ARHGEF26: variants seen among roughly 807,000 people sequenced by gnomAD.
The protein encoded by ARHGEF26 is Rho guanine nucleotide exchange factor (GEF) 26.
ARHGEF26 carries 59 observed loss-of-function variants against 89.4 expected under a neutral mutation model. The ratio of observed to expected loss-of-function variants is 0.66; its 90% CI spans 0.54 to 0.82. The LOEUF (loss-of-function observed/expected upper bound fraction) is 0.82, where lower values mean the gene tolerates loss of function less well. Ranked by LOEUF, ARHGEF26 falls within the 40% of genes least tolerant of loss-of-function variation. The pLI is 0.00. For missense variants in ARHGEF26, 1,234 were observed against 1,085.6 expected, an observed-to-expected ratio of 1.14 and a Z score of -1.92; for synonymous variants, 500 against 428.4, an observed-to-expected ratio of 1.17 and a Z score of -2.06.
chr3:154,235,204 T>C (rs1717047896), intron 11 of ARHGEF26, among the ~76,000 whole-genome samples: 1 of 152,206 alleles, frequency 6.6e-6, no homozygotes, highest in Non-Finnish European at 1.5e-5. Flanking sequence ...AAATTATGTA[T>C]TAATTTAGGA....
intron 4 of ARHGEF26, among the ~76,000 whole-genome samples, chr3:154,132,366 C>T (rs1277419146): frequency 6.6e-6 from 1 of 151,852 alleles, no homozygotes; most frequent in African/African-American, 2.4e-5. Context: ...TTCTTTTCTC[C>T]TTCCTACCTC....
At chr3:154,129,973 T>C (rs979325599) in intron 4 of ARHGEF26, among the ~76,000 whole-genome samples, 9 of 152,192 alleles carry the variant, frequency 5.9e-5, no homozygotes, top group Admixed American at 1.3e-4. Context: ...CTGGAAACTC[T>C]TTCTGCGAGA....
intron 7 of ARHGEF26, among the ~76,000 whole-genome samples, chr3:154,189,015 C>G (rs867043458): frequency 6.6e-6 from 1 of 152,120 alleles, no homozygotes; most frequent in African/African-American, 2.4e-5. Flanking sequence ...TCTCCCCAGA[C>G]ATTGCAGAAG....
At chr3:154,146,549 G>C (rs1576701452) in intron 4 of ARHGEF26, among the ~76,000 whole-genome samples, 1 of 152,066 alleles carries the variant, frequency 6.6e-6, no homozygotes. Flanking sequence ...TTCTTTATTA[G>C]GTTTAGCCAA....
chr3:154,122,101 C>A lies in ARHGEF26; in HGVS notation c.109C>A (p.Pro37Thr). 6.2e-7 allele frequency: 1 copy of A among 1,610,900 alleles called. No homozygotes were observed. The change falls in exon 2 of 15, where the codon CCC becomes ACC. Residue 37 changes from proline (P) to threonine (T), a missense_variant. Pro to Thr is a conservative substitution (Grantham distance 38). Transcript: ENST00000465093. ...GGTTCTGGGCCGGAGCAAGCCGAGG[C>A]CCCAGTCCTACCAGAGCCCCAACGG... The part of the protein sequence containing the change: ...HQVLGRSKPR[P>T]QSYQSPNGLL...
rs1332755393 is a variant in ARHGEF26, at chr3:154,152,890, A to G, written c.1445A>G (p.His482Arg). 5.0e-6 allele frequency: 8 copies of G among 1,599,902 alleles called. No individual in the cohort carries two copies. The East Asian group carries it at 1.1e-4, about 22-fold the overall frequency. The change falls in exon 6 of 15, where the codon CAT (histidine) becomes CGT (arginine). Residue 482 changes from histidine (H) to arginine (R), a missense_variant. Transcript: ENST00000465093. ...SDTMTKTERH[H>R]LFSNITDVCE... ...ACAATGACTAAAACCGAGAGGCACC[A>G]TCTTTTCTCCAATATTACAGATGTC...
intron 5 of ARHGEF26, 72 bp downstream of exon 5, chr3:154,149,517 A>C: frequency 7.5e-7 from 1 of 1,328,582 alleles, no homozygotes; most frequent in Non-Finnish European, 1.0e-6. Flanking sequence ...TTGTGTTTTC[A>C]CTTACTGTGT....
intron 11 of ARHGEF26, among the ~76,000 whole-genome samples, chr3:154,238,073 T>C (rs763211863): frequency 1.9e-4 from 29 of 152,336 alleles, no homozygotes; most frequent in Middle Eastern, 3.4e-3. Flanking sequence ...ATGTCTGATA[T>C]AGTATCTATA....
At chr3:154,132,444 A>G (rs1207458283) in intron 4 of ARHGEF26, among the ~76,000 whole-genome samples, 1 of 152,082 alleles carries the variant, frequency 6.6e-6, no homozygotes, top group Non-Finnish European at 1.5e-5. Flanking sequence ...GTCCACCAAA[A>G]AGATATAACC....
chr3:154,204,295 G>A (rs1471162109), intron 9 of ARHGEF26, among the ~76,000 whole-genome samples: 1 of 140,432 alleles, frequency 7.1e-6, no homozygotes, highest in Non-Finnish European at 1.6e-5. Context: ...CCAATTTTGG[G>A]TTTGGTTGAG....
At chr3:154,155,444 A>G (rs2108105354) in intron 6 of ARHGEF26, among the ~76,000 whole-genome samples, 1 of 152,154 alleles carries the variant, frequency 6.6e-6, no homozygotes, top group South Asian at 2.1e-4. Context: ...AGGAGAGGGA[A>G]AACGTATTAG....
intron 6 of ARHGEF26, among the ~76,000 whole-genome samples, chr3:154,175,300 G>A (rs1296213420): frequency 2.6e-5 from 4 of 152,092 alleles, no homozygotes; most frequent in African/African-American, 9.7e-5. Context: ...GCATATTGTA[G>A]GCTATTTCTA....
chr3:154,149,938 A>T (rs6767924), intron 5 of ARHGEF26, among the ~76,000 whole-genome samples: 11,146 of 151,736 alleles, frequency 0.073, 1,169 homozygotes, highest in African/African-American at 0.23. Flanking sequence ...AAAAAAAAAA[A>T]ACAGGTTAAT....
At chr3:154,205,746 A>C (rs1489605692) in intron 9 of ARHGEF26, among the ~76,000 whole-genome samples, 1 of 152,220 alleles carries the variant, frequency 6.6e-6, no homozygotes, top group African/African-American at 2.4e-5. Flanking sequence ...CAAGGAAACA[A>C]GCAAACAGAA....
At chr3:154,203,524 A>G (rs778977176) in intron 9 of ARHGEF26, among the ~76,000 whole-genome samples, 3 of 152,302 alleles carry the variant, frequency 2.0e-5, no homozygotes, top group Admixed American at 6.5e-5. Flanking sequence ...TACTATGTCA[A>G]ATAATGGTGG....
chr3:154,224,831 C>T (rs1716375959), intron 10 of ARHGEF26, among the ~76,000 whole-genome samples: 1 of 152,158 alleles, frequency 6.6e-6, no homozygotes, highest in Non-Finnish European at 1.5e-5. Context: ...CTTATAAAAG[C>T]TCTTTATAAA....
chr3:154,231,462 ATCT>A (rs1217371059), intron 11 of ARHGEF26, among the ~76,000 whole-genome samples: 3 of 152,204 alleles, frequency 2.0e-5, no homozygotes, highest in East Asian at 1.9e-4. Context: ...TAATAACATC[ATCT>A]TCATCATGGA....
intron 9 of ARHGEF26, among the ~76,000 whole-genome samples, chr3:154,199,908 G>T (rs959581901): frequency 7.2e-5 from 11 of 152,002 alleles, no homozygotes; most frequent in African/African-American, 2.4e-4. Context: ...TGGATTATTA[G>T]ATTTTTTTTC....
intron 9 of ARHGEF26, among the ~76,000 whole-genome samples, chr3:154,209,654 C>CA (rs1233304348): frequency 1.3e-5 from 2 of 152,202 alleles, no homozygotes; most frequent in African/African-American, 4.8e-5. Flanking sequence ...TGGAGTGACA[C>CA]AAGCACCCCT....
Sources: allele counts gnomAD v4.1 joint callset (sites outside exome capture counted in the v4.1 genomes callset), GRCh38; gene constraint gnomAD v4.1.1; transcripts MANE v1.5; gene names NCBI Gene and HGNC (gene_info 2026-07-23, HGNC 2026-07-21).